Variants in LMNTD1 observed in about 807,000 individuals in gnomAD.
The protein encoded by LMNTD1 is lamin tail domain-containing protein 1.
A neutral mutation model predicts 50.9 loss-of-function variants in LMNTD1; 35 were observed. The ratio of observed to expected loss-of-function variants is 0.69; its 90% CI spans 0.53 to 0.91. The LOEUF (loss-of-function observed/expected upper bound fraction) is 0.91, where lower values mean the gene tolerates loss of function less well. Ranked by LOEUF, LMNTD1 falls within the 40% of genes least tolerant of loss-of-function variation. The pLI is 0.00. For missense variants in LMNTD1, 470 were observed against 475.5 expected, an observed-to-expected ratio of 0.99 and a Z score of 0.11; for synonymous variants, 153 against 161.9, an observed-to-expected ratio of 0.94 and a Z score of 0.42.
intron 1 of LMNTD1, among the ~76,000 whole-genome samples, chr12:25,582,616 A>C (rs1945340495): frequency 6.6e-6 from 1 of 152,214 alleles, no homozygotes; most frequent in Non-Finnish European, 1.5e-5. Context: ...TCTGGAAAAA[A>C]CTTTTTAAAA....
At chr12:25,626,782 C>T (rs1946599099) in intron 1 of LMNTD1, among the ~76,000 whole-genome samples, 1 of 152,160 alleles carries the variant, frequency 6.6e-6, no homozygotes, top group African/African-American at 2.4e-5. Context: ...GCAGAATAAA[C>T]ATAAAGATTG....
At chr12:25,550,044 CTT>C in intron 2 of LMNTD1, among the ~76,000 whole-genome samples, 1 of 152,100 alleles carries the variant, frequency 6.6e-6, no homozygotes, top group South Asian at 2.1e-4. Flanking sequence ...GCTTAACTAA[CTT>C]TTCTATATTA....
chr12:25,605,166 A>G (rs1339795624), intron 1 of LMNTD1, among the ~76,000 whole-genome samples: 193 of 152,234 alleles, frequency 1.3e-3, no homozygotes, highest in Non-Finnish European at 2.1e-3. Flanking sequence ...GTGTCTGTTC[A>G]TATCCTTCAC....
intron 8 of LMNTD1, among the ~76,000 whole-genome samples, chr12:25,517,841 TG>T (rs1253887119): frequency 4.0e-5 from 6 of 151,758 alleles, no homozygotes; most frequent in Non-Finnish European, 8.8e-5. Context: ...GTTTTGGGGG[TG>T]CCATTTCCCA....
intron 7 of LMNTD1, among the ~76,000 whole-genome samples, chr12:25,519,339 C>A (rs1941068868): frequency 6.9e-6 from 1 of 145,322 alleles, no homozygotes; most frequent in African/African-American, 2.5e-5. Context: ...CGCCTGTAAT[C>A]CCAGCACTTT....
At chr12:25,595,615 A>G (rs1019474840) in intron 1 of LMNTD1, among the ~76,000 whole-genome samples, 5 of 152,142 alleles carry the variant, frequency 3.3e-5, no homozygotes, top group Admixed American at 3.3e-4. Context: ...TTAAATGCCT[A>G]CATCAAAGGT....
At chr12:25,512,091 T>A (rs1164163171) in intron 8 of LMNTD1, among the ~76,000 whole-genome samples, 1 of 152,220 alleles carries the variant, frequency 6.6e-6, no homozygotes, top group Non-Finnish European at 1.5e-5. Flanking sequence ...TAGAAGGTCA[T>A]GGCAAGTATT....
intron 1 of LMNTD1, among the ~76,000 whole-genome samples, chr12:25,626,716 A>G (rs1946597707): frequency 6.6e-6 from 1 of 152,176 alleles, no homozygotes; most frequent in Non-Finnish European, 1.5e-5. Context: ...TTCACCTACT[A>G]CTTCTACATA....
intron 1 of LMNTD1, among the ~76,000 whole-genome samples, chr12:25,640,050 C>T (rs1946919040): frequency 6.6e-6 from 1 of 152,064 alleles, no homozygotes; most frequent in Non-Finnish European, 1.5e-5. Flanking sequence ...ACATAAAAGA[C>T]CACAATTATA....
intron 1 of LMNTD1, among the ~76,000 whole-genome samples, chr12:25,580,397 T>G (rs1345303037): frequency 6.6e-6 from 1 of 152,148 alleles, no homozygotes; most frequent in African/African-American, 2.4e-5. Context: ...TGGGTACTTG[T>G]TCAGCACAAG....
At chr12:25,607,021 G>A (rs1309487692) in intron 1 of LMNTD1, among the ~76,000 whole-genome samples, 3 of 152,128 alleles carry the variant, frequency 2.0e-5, no homozygotes, top group Non-Finnish European at 4.4e-5. Flanking sequence ...CCTGTTATTG[G>A]TCTATTCAGA....
At chr12:25,489,394 G>C (rs1290540708) in intron 9 of LMNTD1, among the ~76,000 whole-genome samples, 1 of 151,676 alleles carries the variant, frequency 6.6e-6, no homozygotes, top group Non-Finnish European at 1.5e-5. Context: ...TGATTTTCCA[G>C]GTGCGTCCGT....
intron 9 of LMNTD1, among the ~76,000 whole-genome samples, chr12:25,494,123 A>G (rs1321098896): frequency 2.0e-5 from 3 of 152,214 alleles, no homozygotes; most frequent in Non-Finnish European, 4.4e-5. Context: ...TTCTTGTGGT[A>G]GTTATGCTCC....
At chr12:25,631,313 G>A (rs981026923) in intron 1 of LMNTD1, among the ~76,000 whole-genome samples, 3 of 152,158 alleles carry the variant, frequency 2.0e-5, no homozygotes, top group Non-Finnish European at 2.9e-5. Flanking sequence ...TCTGGAAAGC[G>A]CCACCTCTTG....
rs557992781 is a variant in LMNTD1 at position 25,592,875 on chromosome 12, G to C, written c.59-46321C>G. ...AAAACAGACTTGGTGCTGTTGTAGG[G>C]GGTGGGCCACAGTGGGAGTGAAACC... On this transcript the variant is annotated intron_variant, in intron 1 of 7. Transcript: ENST00000445693. The C allele has an allele frequency of 2.0e-5, 3 of 152,344 alleles. No individual in the cohort carries two copies. The East Asian group carries it at 5.8e-4, about 29-fold the overall frequency. 9.4% of individuals were successfully genotyped at this position (152,344 alleles called of 1,614,324 possible). A position where few individuals can be genotyped will look rare whatever the true frequency, so the allele number is the denominator to read the frequency against.
At chr12:25,606,018 G>A (rs1433317540) in intron 1 of LMNTD1, among the ~76,000 whole-genome samples, 2 of 152,110 alleles carry the variant, frequency 1.3e-5, no homozygotes, top group African/African-American at 4.8e-5. Flanking sequence ...TTGAGCAGTG[G>A]TTTGTAGTTC....
chr12:25,636,981 C>A (rs1382834236), intron 1 of LMNTD1, among the ~76,000 whole-genome samples: 2 of 143,944 alleles, frequency 1.4e-5, no homozygotes, highest in African/African-American at 5.2e-5. Context: ...ACTTTGGGGA[C>A]TTGGGGGGAA....
At position 25,539,052 on chromosome 12, in the gene LMNTD1, A is replaced by G. The variant is rs570343108; in HGVS notation, c.491+7322T>C. ...TCCTAAATATATGTGCACCCAATAC[A>G]GGAGCACCCAGATTCATAAAGCAAG... On this transcript the variant is annotated intron_variant, in intron 4 of 9. Transcript: ENST00000458174. Among the ~76,000 whole-genome samples, 915 of 151,752 alleles carry G rather than the reference A, an allele frequency of 6.0e-3. 10 individuals are homozygous for G. Among genetic ancestry groups the G allele is most frequent in the African/African-American group, 0.021 (877 of 41,260 alleles).
intron 2 of LMNTD1, among the ~76,000 whole-genome samples, chr12:25,551,834 A>G (rs1169840047): frequency 6.6e-6 from 1 of 152,224 alleles, no homozygotes; most frequent in Non-Finnish European, 1.5e-5. Context: ...GATTTTTCTC[A>G]GTGGTTAGTT....
Sources: gnomAD v4.1 joint callset for allele counts (sites outside exome capture counted in the v4.1 genomes callset) on GRCh38, gnomAD v4.1.1 for gene constraint, MANE v1.5 for transcripts, NCBI Gene and HGNC (gene_info 2026-07-23, HGNC 2026-07-21) for gene names.